Variants in EZH2 observed in about 807,000 individuals in gnomAD.
The protein encoded by EZH2 is histone-lysine N-methyltransferase EZH2.
EZH2 carries 18 observed loss-of-function variants against 98.4 expected under a neutral mutation model. The ratio of observed to expected loss-of-function variants is 0.18; its 90% CI spans 0.13 to 0.27. EZH2 has a LOEUF of 0.27. Among genes scored for constraint, EZH2 ranks in the 10% least tolerant of loss-of-function variants. The pLI, the probability that EZH2 is intolerant of heterozygous loss-of-function variation, is 1.00. For synonymous variants in EZH2, 338 were observed against 312.3 expected, an observed-to-expected ratio of 1.08 and a Z score of -0.87; for missense variants, 470 against 935.1, an observed-to-expected ratio of 0.50 and a Z score of 6.49.
intron 3 of EZH2, among the ~76,000 whole-genome samples, chr7:148,833,461 AAAAAAAAAAT>A (rs80203816): frequency 0.61 from 90,151 of 146,884 alleles, 27,234 homozygotes; most frequent in East Asian, 0.67. Flanking sequence ...CGTCTCAAAA[AAAAAAAAAAT>A]AAAATAAAAT....
chr7:148,829,873 AAGC>A (rs1274621074), intron 4 of EZH2, 25 bp from the exon 5 acceptor site: 4 of 1,517,472 alleles, frequency 2.6e-6, no homozygotes, highest in Non-Finnish European at 3.6e-6. Flanking sequence ...TATATTTAAA[AAGC>A]AGGTTTACTC....
chr7:148,818,563 T>C (rs1805192193), intron 9 of EZH2, among the ~76,000 whole-genome samples: 1 of 152,222 alleles, frequency 6.6e-6, no homozygotes, highest in Non-Finnish European at 1.5e-5. Flanking sequence ...AGATAATGCA[T>C]ACCTCTTCGT....
intron 1 of EZH2, among the ~76,000 whole-genome samples, chr7:148,882,616 G>C (rs529523807): frequency 6.6e-6 from 1 of 152,276 alleles, no homozygotes; most frequent in South Asian, 2.1e-4. Flanking sequence ...TAATGCTTAT[G>C]AAGAGTAATA....
intron 1 of EZH2, among the ~76,000 whole-genome samples, chr7:148,852,857 T>C (rs1022396290): frequency 6.6e-6 from 1 of 152,148 alleles, no homozygotes; most frequent in Admixed American, 6.5e-5. Context: ...TGAGACCATA[T>C]ATACAGTTGT....
At chr7:148,868,921 T>C (rs2129490583) in intron 1 of EZH2, among the ~76,000 whole-genome samples, 1 of 148,648 alleles carries the variant, frequency 6.7e-6, no homozygotes, top group South Asian at 2.1e-4. Context: ...CAAGTCATAC[T>C]AGACAAATGG....
intron 1 of EZH2, among the ~76,000 whole-genome samples, chr7:148,859,875 C>G (rs1038074323): frequency 6.6e-6 from 1 of 152,192 alleles, no homozygotes; most frequent in Non-Finnish European, 1.5e-5. Context: ...AACTAGCATT[C>G]AAGAGTTGCT....
intron 3 of EZH2, among the ~76,000 whole-genome samples, chr7:148,833,100 A>T (rs1809834321): frequency 6.6e-6 from 1 of 152,190 alleles, no homozygotes; most frequent in African/African-American, 2.4e-5. Context: ...TTTCTCTTAC[A>T]TTCCAACCAC....
intron 13 of EZH2, 59 bp from the exon 14 acceptor site, chr7:148,815,098 A>G: frequency 6.3e-7 from 1 of 1,580,690 alleles, no homozygotes; most frequent in Admixed American, 1.8e-5. Context: ...ACGATCATAC[A>G]CAATTAACAC....
chr7:148,877,141 T>TA (rs1820282089), intron 1 of EZH2, among the ~76,000 whole-genome samples: 1 of 152,186 alleles, frequency 6.6e-6, no homozygotes, highest in Non-Finnish European at 1.5e-5. Flanking sequence ...CCCATTTTTA[T>TA]AAAATGTATG....
At chr7:148,875,076 T>C (rs1350613903) in intron 1 of EZH2, among the ~76,000 whole-genome samples, 1 of 152,182 alleles carries the variant, frequency 6.6e-6, no homozygotes, top group Non-Finnish European at 1.5e-5. Flanking sequence ...GTTTGAATTA[T>C]GCAAAATGAA....
At chr7:148,818,829 C>T (rs953180523) in intron 9 of EZH2, 2 of 331,096 alleles carry the variant, frequency 6.0e-6, no homozygotes, top group African/African-American at 4.3e-5. Flanking sequence ...TTTAGATGAG[C>T]CAAACAAAAT....
chr7:148,860,639 A>G (rs1817530648), intron 1 of EZH2, among the ~76,000 whole-genome samples: 1 of 152,236 alleles, frequency 6.6e-6, no homozygotes, highest in Non-Finnish European at 1.5e-5. Flanking sequence ...CATAATAGAA[A>G]TGAAAAACTA....
chr7:148,817,637 A>T, intron 10 of EZH2: 1 of 666,890 alleles, frequency 1.5e-6, no homozygotes, highest in Non-Finnish European at 2.5e-6. Flanking sequence ...AAAATGGCAC[A>T]AAGAATGAGA....
chr7:148,859,050 T>C (rs942687214), intron 1 of EZH2, among the ~76,000 whole-genome samples: 1 of 152,210 alleles, frequency 6.6e-6, no homozygotes, highest in East Asian at 1.9e-4. Context: ...GAGTTTGCAG[T>C]TGAATAAAGA....
At chr7:148,819,535 C>G (rs1282740186) in intron 9 of EZH2, 61 bp downstream of exon 9, 1 of 1,375,488 alleles carries the variant, frequency 7.3e-7, no homozygotes, top group African/African-American at 1.4e-5. Context: ...ACTTGATCAC[C>G]TCCACCAAAG....
chr7:148,827,388 T>C, intron 6 of EZH2, 122 bp from the exon 7 acceptor site: 2 of 691,658 alleles, frequency 2.9e-6, no homozygotes, highest in Non-Finnish European at 4.8e-6. Context: ...ATCTCTATTT[T>C]GTGTTTTACT....
intron 1 of EZH2, among the ~76,000 whole-genome samples, chr7:148,848,358 G>A (rs945512174): frequency 5.3e-5 from 8 of 152,202 alleles, no homozygotes; most frequent in Non-Finnish European, 1.2e-4. Context: ...GGAAAAGTAC[G>A]TGAATTCAAG....
In EZH2 at chr7:148,817,258, G is replaced by A; in HGVS notation, c.1374C>T (p.Ala458=). The A allele has an allele frequency of 1.2e-6, 2 of 1,613,818 alleles. No individual in the cohort carries two copies. The highest frequency in any genetic ancestry group is 1.7e-6 in the Non-Finnish European group (2 of 1,179,938). Residue 458 remains alanine (A), a synonymous_variant, in exon 11 of 20, where the codon GCC becomes GCT. Coordinates refer to ENST00000320356, the MANE Select transcript of EZH2 (RefSeq NM_004456.5). ...LIGTYYDNFC[A]IARLIGTKTC... is the part of the protein sequence containing the mutation. Reference sequence around the variant, plus strand: ...TTTTGGTCCCAATTAACCTAGCAATGGCACAGAAATTGTCATAGTAAGTGC... The same window carrying A: ...TTTTGGTCCCAATTAACCTAGCAATAGCACAGAAATTGTCATAGTAAGTGC...
intron 1 of EZH2, among the ~76,000 whole-genome samples, chr7:148,860,293 A>G (rs569888057): frequency 1.3e-5 from 2 of 151,998 alleles, no homozygotes; most frequent in Non-Finnish European, 2.9e-5. Flanking sequence ...GAATAAAGTG[A>G]TAAGGGCCCT....
Sources: allele counts gnomAD v4.1 joint callset (sites outside exome capture counted in the v4.1 genomes callset), GRCh38; gene constraint gnomAD v4.1.1; transcripts MANE v1.5; gene names NCBI Gene and HGNC (gene_info 2026-07-23, HGNC 2026-07-21).